The following TLL2 variants were observed in gnomAD, a reference collection of about 807,000 sequenced individuals.
TLL2 encodes the protein tolloid-like protein 2.
Under a neutral mutation model 123.0 loss-of-function variants are expected in TLL2, and 106 were observed. The ratio of observed to expected loss-of-function variants is 0.86; its 90% CI spans 0.74 to 1.01. TLL2 has a LOEUF of 1.01. TLL2 is among the 50% of genes least tolerant of loss of function. The pLI is 0.00. For synonymous variants in TLL2, 494 were observed against 516.8 expected, an observed-to-expected ratio of 0.96 and a Z score of 0.60; for missense variants, 1,332 against 1,336.7, an observed-to-expected ratio of 1.00 and a Z score of 0.06.
intron 3 of TLL2, among the ~76,000 whole-genome samples, chr10:96,438,859 G>A (rs779800638): frequency 2.6e-5 from 4 of 151,944 alleles, no homozygotes; most frequent in Admixed American, 1.3e-4. Context: ...AGTTTTTATC[G>A]TGAATAGGTG....
At chr10:96,454,144 C>T (rs1008499093) in intron 2 of TLL2, among the ~76,000 whole-genome samples, 1 of 152,010 alleles carries the variant, frequency 6.6e-6, no homozygotes, top group Non-Finnish European at 1.5e-5. Context: ...TGCTTTTCTG[C>T]TCTGATCACA....
chr10:96,411,257 C>CAAA (rs56011735), intron 8 of TLL2, among the ~76,000 whole-genome samples: 13 of 95,154 alleles, frequency 1.4e-4, no homozygotes, highest in South Asian at 6.8e-4. Flanking sequence ...GACTCTGTCT[C>CAAA]AAAAAAAAAA....
intron 1 of TLL2, among the ~76,000 whole-genome samples, chr10:96,500,162 A>C (rs1046675792): frequency 8.4e-5 from 7 of 83,498 alleles, no homozygotes; most frequent in Non-Finnish European, 1.9e-4. Context: ...AAAAAAAAAT[A>C]CAAAAATTAG....
chr10:96,469,682 T>G (rs1010088748), intron 2 of TLL2, among the ~76,000 whole-genome samples: 5 of 152,076 alleles, frequency 3.3e-5, no homozygotes, highest in African/African-American at 9.7e-5. Flanking sequence ...ATTCCTCCAG[T>G]GCTCCCAGAG....
chr10:96,387,923 A>C (rs1846252964), intron 13 of TLL2, among the ~76,000 whole-genome samples: 1 of 152,228 alleles, frequency 6.6e-6, no homozygotes, highest in Non-Finnish European at 1.5e-5. Flanking sequence ...GCCATAGTAC[A>C]TCTAGCCCTG....
intron 2 of TLL2, among the ~76,000 whole-genome samples, chr10:96,452,246 G>A (rs1231100180): frequency 6.6e-6 from 1 of 152,214 alleles, no homozygotes; most frequent in Non-Finnish European, 1.5e-5. Context: ...GTCCTAGGAG[G>A]GTCTCTCAGA....
At chr10:96,496,943 G>C (rs1847482344) in intron 1 of TLL2, among the ~76,000 whole-genome samples, 1 of 152,110 alleles carries the variant, frequency 6.6e-6, no homozygotes. Flanking sequence ...TGGGGAGGGG[G>C]TTGCCTGTGC....
At chr10:96,482,275 A>G (rs950718168) in intron 1 of TLL2, among the ~76,000 whole-genome samples, 3 of 151,954 alleles carry the variant, frequency 2.0e-5, no homozygotes, top group African/African-American at 7.3e-5. Context: ...AAAAAAACGA[A>G]AAAACCTGAA....
chr10:96,462,734 C>T (rs1444652390), intron 2 of TLL2, among the ~76,000 whole-genome samples: 1 of 152,212 alleles, frequency 6.6e-6, no homozygotes, highest in Non-Finnish European at 1.5e-5. Flanking sequence ...ATATTTATAA[C>T]TCATGCCTGA....
At chr10:96,510,474 G>A (rs1589440356) in intron 1 of TLL2, among the ~76,000 whole-genome samples, 1 of 152,118 alleles carries the variant, frequency 6.6e-6, no homozygotes, top group Non-Finnish European at 1.5e-5. Context: ...AAATTTTCCA[G>A]CTTAAAACCT....
At chr10:96,471,064 G>A (rs1208367342) in intron 2 of TLL2, among the ~76,000 whole-genome samples, 2 of 152,038 alleles carry the variant, frequency 1.3e-5, no homozygotes, top group Non-Finnish European at 2.9e-5. Flanking sequence ...CAAGTTGTGC[G>A]ATCTCAGCTC....
intron 10 of TLL2, 112 bp from the exon 11 acceptor site, chr10:96,397,414 C>T (rs919121288): frequency 9.6e-5 from 68 of 704,712 alleles, no homozygotes; most frequent in Middle Eastern, 2.5e-4. Flanking sequence ...TGAGCAATAA[C>T]CCTGGCTGGG....
intron 17 of TLL2, among the ~76,000 whole-genome samples, chr10:96,378,266 G>A (rs558463810): frequency 6.6e-6 from 1 of 152,370 alleles, no homozygotes; most frequent in Non-Finnish European, 1.5e-5. Context: ...CCTTTGCAGG[G>A]TTTCGTGGCT....
intron 1 of TLL2, among the ~76,000 whole-genome samples, chr10:96,507,511 T>G (rs760283657): frequency 1.3e-5 from 2 of 152,128 alleles, no homozygotes; most frequent in Non-Finnish European, 2.9e-5. Flanking sequence ...CTCTACAGCA[T>G]TTCAACAAAA....
intron 9 of TLL2, among the ~76,000 whole-genome samples, chr10:96,407,654 T>A (rs1459049414): frequency 1.3e-5 from 2 of 152,206 alleles, no homozygotes; most frequent in Non-Finnish European, 2.9e-5. Context: ...AAGCTGCCCA[T>A]CTTGATTAGT....
At chr10:96,447,860 G>C (rs1846913922) in intron 2 of TLL2, among the ~76,000 whole-genome samples, 1 of 152,156 alleles carries the variant, frequency 6.6e-6, no homozygotes, top group Non-Finnish European at 1.5e-5. Context: ...ACCCAGGGTT[G>C]CCCAGCCCAT....
intron 19 of TLL2, among the ~76,000 whole-genome samples, chr10:96,371,521 AC>A (rs1564892368): frequency 1.3e-5 from 2 of 152,114 alleles, no homozygotes; most frequent in African/African-American, 2.4e-5. Context: ...CTGGAGCTCC[AC>A]GCCCTGCCTG....
In TLL2 at chr10:96,370,095, C is replaced by T. The variant is rs777345781; in HGVS notation, c.2883G>A (p.Ala961=). Residue 961 remains alanine, a synonymous_variant, in exon 20 of 21, where the codon GCG becomes GCA. Transcript: ENST00000357947. The part of the protein sequence containing the change: ...MEAYDGYDSS[A]PRLGRFCGSG... ...AGCCACAGAAGCGGCCGAGCCTGGG[C>T]GCTGAGCTGTCGTAGCCGTCGTAGG... The T allele has an allele frequency of 3.7e-6, 6 of 1,608,012 alleles. No homozygotes were observed. Among genetic ancestry groups the T allele is most frequent in the Admixed American group, 3.4e-5 (2 of 59,670 alleles).
chr10:96,488,447 G>A (rs918040085), intron 1 of TLL2, among the ~76,000 whole-genome samples: 3 of 152,160 alleles, frequency 2.0e-5, no homozygotes, highest in African/African-American at 7.2e-5. Flanking sequence ...ACGCCAGCCC[G>A]GGCTCCCACA....
Sources: allele counts gnomAD v4.1 joint callset (sites outside exome capture counted in the v4.1 genomes callset), GRCh38; gene constraint gnomAD v4.1.1; transcripts MANE v1.5; gene names NCBI Gene and HGNC (gene_info 2026-07-23, HGNC 2026-07-21).